ITGA9: variants seen among roughly 807,000 people sequenced by gnomAD.
The protein encoded by ITGA9 is integrin subunit alpha 9, also known as integrin alpha-9.
Under a neutral mutation model 127.8 loss-of-function variants are expected in ITGA9, and 56 were observed. That is an observed-to-expected ratio of 0.44 (90% CI 0.35 to 0.55). The LOEUF is 0.55. Ranked by LOEUF, ITGA9 falls within the 20% of genes least tolerant of loss-of-function variation. ITGA9 has a pLI of 0.00. For missense variants in ITGA9, 1,196 were observed against 1,347.1 expected (o/e 0.89, Z 1.76); for synonymous variants, 508 against 514.5 (o/e 0.99, Z 0.17).
intron 17 of ITGA9, among the ~76,000 whole-genome samples, chr3:37,665,878 C>G (rs1232539972): frequency 6.6e-6 from 1 of 152,090 alleles, no homozygotes; most frequent in Non-Finnish European, 1.5e-5. Context: ...GGATTTAGGC[C>G]CCAGGGAAGG....
At chr3:37,785,128 G>A (rs1488626402) in intron 26 of ITGA9, 50 bp downstream of exon 26, 1 of 1,315,962 alleles carries the variant, frequency 7.6e-7, no homozygotes, top group South Asian at 1.2e-5. Flanking sequence ...AGGGAAGCTG[G>A]GTGACTTGGA....
chr3:37,671,256 T>A (rs1400151149), intron 17 of ITGA9, among the ~76,000 whole-genome samples: 4 of 152,264 alleles, frequency 2.6e-5, no homozygotes, highest in Non-Finnish European at 4.4e-5. Context: ...TCAAGGCTGA[T>A]GAGGATTTGA....
intron 23 of ITGA9, among the ~76,000 whole-genome samples, chr3:37,772,891 C>T (rs1459016962): frequency 6.6e-6 from 1 of 152,200 alleles, no homozygotes; most frequent in Non-Finnish European, 1.5e-5. Context: ...TGTCACATTG[C>T]ATCACATCAC....
At chr3:37,576,760 A>G (rs973001927) in intron 15 of ITGA9, among the ~76,000 whole-genome samples, 2 of 152,128 alleles carry the variant, frequency 1.3e-5, no homozygotes, top group Non-Finnish European at 2.9e-5. Context: ...CACCACCACC[A>G]TGCCTGCCTA....
chr3:37,764,455 G>A lies in ITGA9; in HGVS notation c.2542-12937G>A, dbSNP rs963721821. 1.1e-4 allele frequency among the ~76,000 whole-genome samples: 11 copies of A among 99,980 alleles called. No homozygotes were observed. The Admixed American group carries it at 1.4e-3, about 12-fold the overall frequency. 65.6% of individuals were successfully genotyped at this position (99,980 alleles called of 152,430 possible). Reference sequence around the variant, plus strand: ...TCCGTATAATGCTCAGAAACACTCCGAGATTCTCAGTAAAAAAAAAAAAAA... The same window carrying A: ...TCCGTATAATGCTCAGAAACACTCCAAGATTCTCAGTAAAAAAAAAAAAAA... On this transcript the variant is annotated intron_variant, in intron 23 of 27. Transcript: ENST00000264741.
At chr3:37,670,554 A>T (rs1227715470) in intron 17 of ITGA9, among the ~76,000 whole-genome samples, 1 of 152,228 alleles carries the variant, frequency 6.6e-6, no homozygotes, top group Non-Finnish European at 1.5e-5. Flanking sequence ...CAGTAATATT[A>T]CCAGGACCTG....
intron 16 of ITGA9, among the ~76,000 whole-genome samples, chr3:37,645,931 G>A (rs140666906): frequency 7.2e-5 from 11 of 152,196 alleles, no homozygotes; most frequent in Admixed American, 1.3e-4. Context: ...AGCCAGGAGC[G>A]GACACTGAGC....
At chr3:37,513,945 A>G in intron 9 of ITGA9, 45 bp downstream of exon 9, 2 of 1,610,970 alleles carry the variant, frequency 1.2e-6, no homozygotes, top group Non-Finnish European at 1.7e-6. Context: ...TGGGGGAGGG[A>G]CATTTGTCCA....
chr3:37,455,771 A>C (rs1382057463), intron 1 of ITGA9, among the ~76,000 whole-genome samples: 1 of 152,162 alleles, frequency 6.6e-6, no homozygotes, highest in African/African-American at 2.4e-5. Flanking sequence ...TGTTGTCTCT[A>C]GGGAAAGGGA....
intron 18 of ITGA9, among the ~76,000 whole-genome samples, chr3:37,713,721 C>T (rs1000475985): frequency 6.6e-6 from 1 of 152,308 alleles, no homozygotes; most frequent in Middle Eastern, 3.4e-3. Context: ...CACAAGGGAG[C>T]TGCTGGTGGG....
At position 37,669,063 on chromosome 3, in the gene ITGA9, G is replaced by C. The variant is rs528226507; in HGVS notation, c.1917-14802G>C. ...TTGCTGAAATTGCAGTGAGAGGGAA[G>C]GTACCAGGTAGAGAACCTCTAGATT... On this transcript the variant is annotated intron_variant, in intron 17 of 27. Coordinates refer to ENST00000264741, the MANE Select transcript of ITGA9 (RefSeq NM_002207.3). Among the ~76,000 whole-genome samples the C allele has an allele frequency of 2.8e-4, 43 of 152,352 alleles. No homozygotes were observed. The South Asian group carries it at 8.5e-3, about 30-fold the overall frequency.
At chr3:37,763,848 T>A (rs1289024046) in intron 23 of ITGA9, among the ~76,000 whole-genome samples, 1 of 152,196 alleles carries the variant, frequency 6.6e-6, no homozygotes, top group Admixed American at 6.5e-5. Context: ...ACCCTCAATT[T>A]TTTTTGTGGA....
intron 15 of ITGA9, among the ~76,000 whole-genome samples, chr3:37,580,866 G>A (rs1195327274): frequency 1.3e-5 from 2 of 152,154 alleles, no homozygotes; most frequent in Non-Finnish European, 2.9e-5. Context: ...CAAAAGACAC[G>A]GGTATGAATT....
intron 15 of ITGA9, among the ~76,000 whole-genome samples, chr3:37,567,137 C>A (rs527343534): frequency 1.3e-5 from 2 of 152,166 alleles, no homozygotes; most frequent in East Asian, 1.9e-4. Flanking sequence ...GTTTAATGAA[C>A]GCACAGTTCC....
chr3:37,582,761 AC>A (rs1331173686), intron 15 of ITGA9, among the ~76,000 whole-genome samples: 2 of 151,982 alleles, frequency 1.3e-5, no homozygotes, highest in Non-Finnish European at 2.9e-5. Context: ...TGATTTTTGG[AC>A]CCTCTTTGTC....
chr3:37,548,172 G>A (rs1477537665), intron 15 of ITGA9, among the ~76,000 whole-genome samples: 1 of 152,172 alleles, frequency 6.6e-6, no homozygotes, highest in African/African-American at 2.4e-5. Flanking sequence ...ACTTTTGAAA[G>A]CATTAAACTG....
rs143240298 is a variant in ITGA9 at position 37,801,346 on chromosome 3, C to T, written c.2890-2477C>T. On this transcript the variant is annotated intron_variant, in intron 26 of 27. Coordinates refer to ENST00000264741, the MANE Select transcript of ITGA9 (RefSeq NM_002207.3). ...AGGGAGCTTCTAGGGAGCCGGTCAC[C>T]TTCTGTTTCTTGATCTGAGTGCTGG... is the stretch of plus-strand genomic sequence containing the variant. Among the ~76,000 whole-genome samples the T allele has an allele frequency of 5.0e-3, 767 of 152,258 alleles. 5 individuals carry two copies. The highest frequency in any genetic ancestry group is 0.017 in the African/African-American group (710 of 41,548).
intron 9 of ITGA9, 74 bp downstream of exon 9, chr3:37,513,974 C>T (rs2125577516): frequency 6.4e-7 from 1 of 1,573,778 alleles, no homozygotes; most frequent in South Asian, 1.1e-5. Flanking sequence ...TGGCCGAGCA[C>T]CCCTCTGGGC....
intron 26 of ITGA9, among the ~76,000 whole-genome samples, chr3:37,794,795 T>C (rs1391909644): frequency 6.6e-6 from 1 of 152,176 alleles, no homozygotes; most frequent in Non-Finnish European, 1.5e-5. Context: ...CTGGCAGGCA[T>C]GGGGCATGTT....
Sources: gnomAD v4.1 joint callset for allele counts (sites outside exome capture counted in the v4.1 genomes callset) on GRCh38, gnomAD v4.1.1 for gene constraint, MANE v1.5 for transcripts, NCBI Gene and HGNC (gene_info 2026-07-23, HGNC 2026-07-21) for gene names.